The following FANCM variants were observed in gnomAD, a reference collection of about 807,000 sequenced individuals.
FANCM encodes Fanconi anemia group M protein.
FANCM carries 140 observed loss-of-function variants against 199.5 expected under a neutral mutation model. The observed-to-expected ratio is 0.70, with a 90% CI of 0.61 to 0.81. The LOEUF (loss-of-function observed/expected upper bound fraction) is 0.81, where lower values mean the gene tolerates loss of function less well. Among genes scored for constraint, FANCM ranks in the 30% least tolerant of loss-of-function variants. The probability of loss-of-function intolerance (pLI) is 0.00; values close to 1 mark genes in which losing one functional copy is unlikely to be tolerated. For synonymous variants in FANCM, 840 were observed against 836.8 expected (o/e 1.00, Z -0.07); for missense variants, 2,410 against 2,421.4 (o/e 1.00, Z 0.10).
At chr14:45,197,598 G>T (rs1164958403) in intron 21 of FANCM, among the ~76,000 whole-genome samples, 1 of 151,358 alleles carries the variant, frequency 6.6e-6, no homozygotes, top group African/African-American at 2.4e-5. Flanking sequence ...CTGAGTAGCT[G>T]GGATTACAGG....
At chr14:45,169,111 G>A (rs367561187) in intron 11 of FANCM, among the ~76,000 whole-genome samples, 3 of 151,464 alleles carry the variant, frequency 2.0e-5, no homozygotes, top group Admixed American at 6.6e-5. Flanking sequence ...TAGTAGAGAC[G>A]GGGTTTCTCC....
At chr14:45,158,159 C>G (rs1478195327) in intron 8 of FANCM, among the ~76,000 whole-genome samples, 3 of 152,206 alleles carry the variant, frequency 2.0e-5, no homozygotes, top group African/African-American at 7.2e-5. Context: ...GATGGTGCCA[C>G]TGCATTCCAG....
Position 45,173,195 on chromosome 14 carries a change from A to G in FANCM, c.2301A>G (p.Gly767=). 6 of 1,613,848 alleles carry G rather than the reference A, an allele frequency of 3.7e-6. No individual in the cohort carries two copies. The highest frequency in any genetic ancestry group is 1.1e-5 in the South Asian group (1 of 91,082). ...HFIGLMQMIE[G]MRHEEGECSY... ...TAGGCCTTATGCAAATGATAGAGGG[A>G]ATGAGACACGAAGAGGTGGGGTTTT... The change falls in exon 13 of 23, where the codon GGA becomes GGG. Residue 767 remains glycine (G), a synonymous_variant. Transcript: ENST00000267430.
chr14:45,136,123 G>T lies in FANCM; in HGVS notation c.92G>T (p.Arg31Leu), dbSNP rs886050496. The T allele has an allele frequency of 3.1e-6, 5 of 1,613,958 alleles. No homozygotes were observed. The highest frequency in any genetic ancestry group is 4.2e-6 in the Non-Finnish European group (5 of 1,180,012). ...GTPGCSSGTERPQSPGSSKAP... is the reference protein window; with the variant it reads ...GTPGCSSGTELPQSPGSSKAP... Reference sequence around the variant, plus strand: ...CCGGGTTGCAGCTCCGGAACTGAGCGACCTCAGAGCCCTGGCAGCTCCAAG... The same window carrying T: ...CCGGGTTGCAGCTCCGGAACTGAGCTACCTCAGAGCCCTGGCAGCTCCAAG... The change falls in exon 1 of 23, where the codon CGA becomes CTA. Residue 31 changes from arginine (R) to leucine (L), a missense_variant. Arg to Leu is a moderately radical substitution (Grantham distance 102). Transcript: ENST00000267430.
chr14:45,155,221 C>T (rs575043340), intron 7 of FANCM, 152 bp from the exon 8 acceptor site: 91 of 486,346 alleles, frequency 1.9e-4, no homozygotes, highest in African/African-American at 1.0e-3. Flanking sequence ...GTAAGACTTA[C>T]GTGCTACCTA....
chr14:45,152,472 G>C (rs1886895361), intron 5 of FANCM, among the ~76,000 whole-genome samples: 1 of 152,144 alleles, frequency 6.6e-6, no homozygotes, highest in African/African-American at 2.4e-5. Context: ...GAGTTTGAAG[G>C]AAGCATCACA....
intron 8 of FANCM, among the ~76,000 whole-genome samples, chr14:45,156,385 A>G (rs1887190996): frequency 1.3e-5 from 2 of 152,156 alleles, no homozygotes; most frequent in Non-Finnish European, 2.9e-5. Context: ...TGCAAAACCA[A>G]ACAGAGGTAT....
intron 8 of FANCM, 70 bp downstream of exon 8, chr14:45,155,529 G>T: frequency 1.2e-6 from 1 of 826,690 alleles, no homozygotes; most frequent in East Asian, 2.6e-5. Flanking sequence ...CTTATGGCTG[G>T]GTGCAGTGGT....
chr14:45,151,251 T>C (rs1047272129), intron 4 of FANCM, 146 bp from the exon 5 acceptor site: 4 of 657,792 alleles, frequency 6.1e-6, no homozygotes, highest in Non-Finnish European at 1.1e-5. Context: ...TAGTTTTAAA[T>C]GTTATCATTG....
intron 8 of FANCM, among the ~76,000 whole-genome samples, chr14:45,156,687 A>G (rs1887212241): frequency 6.6e-6 from 1 of 152,124 alleles, no homozygotes; most frequent in Non-Finnish European, 1.5e-5. Flanking sequence ...TGAGAGGCCG[A>G]GGTGGGCAGA....
chr14:45,167,554 C>G (rs1426048013), intron 11 of FANCM: 1 of 184,306 alleles, frequency 5.4e-6, no homozygotes, highest in Non-Finnish European at 1.1e-5. Context: ...ACTTAGAATC[C>G]TTTACATACA....
chr14:45,200,684 G>A lies in FANCM; in HGVS notation c.*676G>A, dbSNP rs1890307958. 6.6e-6 allele frequency: 1 copy of A among 152,196 alleles called. No homozygotes were observed. The highest frequency in any genetic ancestry group is 1.5e-5 in the Non-Finnish European group (1 of 68,056). 9.4% of individuals were successfully genotyped at this position (152,196 alleles called of 1,614,324 possible). On this transcript the variant is annotated 3_prime_UTR_variant, in exon 23 of 23. Coordinates refer to ENST00000267430, the MANE Select transcript of FANCM (RefSeq NM_020937.4). The stretch of plus-strand genomic sequence containing the variant: ...TCCTGGAACGTGATTAGCTCATGGG[G>A]GCGGTTCCCCCATGCTGTTCTAGTG...
In FANCM at chr14:45,176,264, G is replaced by A. The variant is rs749416896; in HGVS notation, c.3510G>A (p.Thr1170=). 21 of 1,613,806 alleles carry A rather than the reference G, an allele frequency of 1.3e-5. No individual in the cohort carries two copies. Among genetic ancestry groups the A allele is most frequent in the Non-Finnish European group, 1.7e-5 (20 of 1,179,870 alleles). Residue 1170 remains threonine (T), a synonymous_variant, in exon 14 of 23, where the codon ACG becomes ACA. Coordinates refer to ENST00000267430, the MANE Select transcript of FANCM (RefSeq NM_020937.4). ...CAGACAAAACTGCTATTAGTGAAAC[G>A]CCTCTGGTCTCTCAGTTCTTAATTT... ...PVSDKTAISE[T]PLVSQFLISD...
chr14:45,195,430 T>C (rs1442087567), intron 20 of FANCM: 15 of 422,200 alleles, frequency 3.6e-5, no homozygotes, highest in Middle Eastern at 3.5e-4. Flanking sequence ...ATGGAGTAGA[T>C]TTATTTTTTA....
Position 45,155,748 on chromosome 14 carries a change from G to A in FANCM, c.1396+289G>A, listed in dbSNP as rs537864651. Among the ~76,000 whole-genome samples, 7 of 152,314 alleles carry A rather than the reference G, an allele frequency of 4.6e-5. No individual in the cohort carries two copies. In the East Asian group the frequency reaches 1.3e-3, roughly 29 times the overall value. On this transcript the variant is annotated intron_variant, in intron 8 of 22. Transcript: ENST00000267430. ...TGGGAGGTGAAGGTTGCAGTGAGCCGAGATTGTGCCATTGCACTCCAGCCT... is the reference window on the plus strand; with the variant it reads ...TGGGAGGTGAAGGTTGCAGTGAGCCAAGATTGTGCCATTGCACTCCAGCCT...
intron 2 of FANCM, 141 bp downstream of exon 2, chr14:45,137,382 TAAA>T: frequency 1.5e-6 from 1 of 684,324 alleles, no homozygotes; most frequent in Non-Finnish European, 2.5e-6. Context: ...CAGATGGTGA[TAAA>T]GAATATCTGT....
In FANCM at chr14:45,188,933, T is replaced by C; in HGVS notation, c.4911T>C (p.Asn1637=). ...FNLITDDCFA[N]SKKYKTRRAV... is the part of the protein sequence containing the mutation. ...TAATAACTGATGATTGCTTTGCAAA[T>C]AGTAAAAAGTATAAAACTCGACGTG... Residue 1637 remains asparagine, a synonymous_variant, in exon 20 of 23, where the codon AAT becomes AAC. Coordinates refer to ENST00000267430, the MANE Select transcript of FANCM (RefSeq NM_020937.4). 1.2e-6 allele frequency: 2 copies of C among 1,613,942 alleles called. No homozygotes were observed.
Position 45,162,350 on chromosome 14 carries a change from T to G in FANCM, c.1582-2009T>G, listed in dbSNP as rs1024918787. 3.3e-5 allele frequency among the ~76,000 whole-genome samples: 5 copies of G among 152,198 alleles called. No individual in the cohort carries two copies. The South Asian group carries it at 6.2e-4, about 19-fold the overall frequency. ...AGATGAGTTAACTTTGACATGCCTC[T>G]CAGATTAATGCTTTTCAAACTATTG... is the stretch of plus-strand genomic sequence containing the variant. On this transcript the variant is annotated intron_variant, in intron 9 of 22. Transcript: ENST00000267430.
intron 3 of FANCM, among the ~76,000 whole-genome samples, chr14:45,143,002 C>G (rs1886084206): frequency 6.6e-6 from 1 of 151,842 alleles, no homozygotes; most frequent in South Asian, 2.1e-4. Flanking sequence ...TGGTATTTGC[C>G]TAATCATTCT....
Sources: allele counts gnomAD v4.1 joint callset (sites outside exome capture counted in the v4.1 genomes callset), GRCh38; gene constraint gnomAD v4.1.1; transcripts MANE v1.5; gene names NCBI Gene and HGNC (gene_info 2026-07-23, HGNC 2026-07-21).